The following ITGA2 variants were observed in gnomAD, a reference collection of about 807,000 sequenced individuals.
ITGA2 encodes the protein integrin alpha-2.
A neutral mutation model predicts 146.3 loss-of-function variants in ITGA2; 101 were observed. The observed-to-expected ratio is 0.69, with a 90% confidence interval of 0.59 to 0.81. ITGA2 has a LOEUF of 0.81. ITGA2 is among the 40% of genes least tolerant of loss of function. ITGA2 has a pLI of 0.00. For synonymous variants in ITGA2, 477 were observed against 487.1 expected (o/e 0.98, Z 0.27); for missense variants, 1,281 against 1,402.7 (o/e 0.91, Z 1.39).
chr5:53,022,571 TTTTG>T (rs1201818329), intron 1 of ITGA2, among the ~76,000 whole-genome samples: 1 of 152,100 alleles, frequency 6.6e-6, no homozygotes, highest in African/African-American at 2.4e-5. Context: ...TCCTGTAAAT[TTTTG>T]TTTGTTTGAT....
intron 2 of ITGA2, among the ~76,000 whole-genome samples, chr5:53,028,455 C>T (rs1040363570): frequency 1.3e-5 from 2 of 152,086 alleles, no homozygotes; most frequent in Admixed American, 1.3e-4. Flanking sequence ...ATTTGGGATA[C>T]GAGAGAGAGT....
chr5:53,071,798 CAA>C, intron 17 of ITGA2, 138 bp from the exon 18 acceptor site: 1 of 709,818 alleles, frequency 1.4e-6, no homozygotes, highest in East Asian at 2.7e-5. Context: ...TTATTCACAA[CAA>C]AGATATTCTA....
At chr5:53,025,032 C>G (rs1420322771) in intron 1 of ITGA2, among the ~76,000 whole-genome samples, 2 of 152,070 alleles carry the variant, frequency 1.3e-5, no homozygotes, top group African/African-American at 4.8e-5. Context: ...AAATGATCTG[C>G]CCAGGTCTAA....
At chr5:53,086,736 GCAGA>G (rs1746174331) in intron 27 of ITGA2, among the ~76,000 whole-genome samples, 1 of 152,174 alleles carries the variant, frequency 6.6e-6, no homozygotes, top group South Asian at 2.1e-4. Context: ...GTGGCAAGGT[GCAGA>G]CAGACATGTA....
Position 53,048,670 on chromosome 5 carries a change from TTG to T in ITGA2, c.537_538del (p.Cys179Ter). ...TGCCCTTCCCTCATAGATGTTGTGG[TTG>T]TGTGTGATGAATCAAATAGTATTTA... On this transcript the variant is annotated frameshift_variant, in exon 6 of 30. Coordinates refer to ENST00000296585, the MANE Select transcript of ITGA2 (RefSeq NM_002203.4). LOFTEE classifies it high-confidence loss of function. 1.2e-6 allele frequency: 2 copies of T among 1,614,108 alleles called. No homozygotes were observed. The highest frequency in any genetic ancestry group is 1.7e-6 in the Non-Finnish European group (2 of 1,179,992).
chr5:53,029,661 T>A (rs916841380), intron 2 of ITGA2, among the ~76,000 whole-genome samples: 5 of 152,236 alleles, frequency 3.3e-5, no homozygotes, highest in Admixed American at 1.3e-4. Flanking sequence ...TTAAATGATC[T>A]ATACTTGTTT....
At chr5:53,028,063 T>C (rs1273291290) in intron 2 of ITGA2, among the ~76,000 whole-genome samples, 1 of 151,766 alleles carries the variant, frequency 6.6e-6, no homozygotes, top group Non-Finnish European at 1.5e-5. Flanking sequence ...CCTGAGTGAC[T>C]GAGTAAGATC....
chr5:53,034,245 T>C (rs1222481252), intron 2 of ITGA2, among the ~76,000 whole-genome samples: 1 of 152,142 alleles, frequency 6.6e-6, no homozygotes, highest in East Asian at 1.9e-4. Flanking sequence ...AAATACTTAT[T>C]ATGCTATTGC....
intron 17 of ITGA2, 97 bp from the exon 18 acceptor site, chr5:53,071,841 G>A: frequency 1.2e-6 from 1 of 851,674 alleles, no homozygotes; most frequent in Non-Finnish European, 2.0e-6. Context: ...GCTCTAAATT[G>A]TAAACACATT....
chr5:52,992,526 A>G (rs768816020), intron 1 of ITGA2, among the ~76,000 whole-genome samples: 3 of 152,148 alleles, frequency 2.0e-5, no homozygotes, highest in Non-Finnish European at 4.4e-5. Flanking sequence ...TGGCAGTATT[A>G]TTATCACACA....
At chr5:53,088,408 G>A (rs1233267223) in intron 28 of ITGA2, among the ~76,000 whole-genome samples, 1 of 152,112 alleles carries the variant, frequency 6.6e-6, no homozygotes, top group Non-Finnish European at 1.5e-5. Context: ...AAGAAAGGCT[G>A]GGCACAGTGG....
At chr5:53,048,952 G>A (rs993032115) in intron 6 of ITGA2, among the ~76,000 whole-genome samples, 182 bp downstream of exon 6, 3 of 151,696 alleles carry the variant, frequency 2.0e-5, no homozygotes, top group African/African-American at 7.3e-5. Flanking sequence ...TTTGCCCAGT[G>A]CTGGTCTTTT....
chr5:53,046,170 A>C (rs1744072063), intron 4 of ITGA2, among the ~76,000 whole-genome samples: 1 of 143,496 alleles, frequency 7.0e-6, no homozygotes, highest in Non-Finnish European at 1.5e-5. Flanking sequence ...ACTCCAGCCT[A>C]AGCGACAGAG....
chr5:53,051,306 T>C, intron 6 of ITGA2, 105 bp from the exon 7 acceptor site: 1 of 1,184,658 alleles, frequency 8.4e-7, no homozygotes. Flanking sequence ...GCCTTAAAGC[T>C]ACCGGCCCAT....
rs41270299 is a variant in ITGA2, at chr5:53,080,888, T to C, written c.3039+267T>C. ...GTGAAGATCTGACTTTGACAGGCCC[T>C]GTGAAGGCTGGGAGGTAAGGGGCTG... On this transcript the variant is annotated intron_variant, in intron 25 of 29. Coordinates refer to ENST00000296585, the MANE Select transcript of ITGA2 (RefSeq NM_002203.4). Among the ~76,000 whole-genome samples, 387 of 152,246 alleles carry C rather than the reference T, an allele frequency of 2.5e-3. 3 individuals are homozygous for C. The highest frequency in any genetic ancestry group is 8.1e-3 in the South Asian group (39 of 4,834).
At chr5:53,021,572 C>T (rs1742684129) in intron 1 of ITGA2, among the ~76,000 whole-genome samples, 1 of 152,184 alleles carries the variant, frequency 6.6e-6, no homozygotes, top group Non-Finnish European at 1.5e-5. Context: ...CACCACGGCC[C>T]CTGCCCTCGG....
intron 16 of ITGA2, among the ~76,000 whole-genome samples, chr5:53,069,332 G>T (rs1458744166): frequency 1.3e-5 from 2 of 151,796 alleles, no homozygotes; most frequent in Non-Finnish European, 2.9e-5. Flanking sequence ...GGAAACAGAG[G>T]TTCAAAGAGG....
At chr5:53,059,260 G>T (rs1744792579) in intron 10 of ITGA2, among the ~76,000 whole-genome samples, 1 of 151,912 alleles carries the variant, frequency 6.6e-6, no homozygotes, top group Non-Finnish European at 1.5e-5. Flanking sequence ...CCTTCCAATA[G>T]ATTGAATGTC....
chr5:52,992,711 C>T (rs1741037350), intron 1 of ITGA2, among the ~76,000 whole-genome samples: 1 of 152,180 alleles, frequency 6.6e-6, no homozygotes, highest in Non-Finnish European at 1.5e-5. Flanking sequence ...CCATTCTCTT[C>T]ATTTTCACTA....
Sources: allele counts gnomAD v4.1 joint callset (sites outside exome capture counted in the v4.1 genomes callset), GRCh38; gene constraint gnomAD v4.1.1; transcripts MANE v1.5; gene names NCBI Gene and HGNC (gene_info 2026-07-23, HGNC 2026-07-21).